The following LRRIQ1 variants were observed in gnomAD, a reference collection of about 807,000 sequenced individuals.
LRRIQ1 encodes the protein leucine rich repeats and IQ motif containing 1.
Under a neutral mutation model 211.9 loss-of-function variants are expected in LRRIQ1, and 210 were observed. The observed-to-expected ratio is 0.99, with a 90% confidence interval of 0.89 to 1.11. LRRIQ1 has a LOEUF of 1.11. Ranked by LOEUF, LRRIQ1 falls within the 50% of genes most tolerant of loss-of-function variation. The pLI is 0.00. For synonymous variants in LRRIQ1, 699 were observed against 650.1 expected (o/e 1.08, Z -1.14); for missense variants, 2,136 against 1,939.5 (o/e 1.10, Z -1.90).
chr12:85,206,492 A>T (rs960706866), intron 24 of LRRIQ1, among the ~76,000 whole-genome samples: 2 of 152,092 alleles, frequency 1.3e-5, no homozygotes, highest in Admixed American at 6.6e-5. Context: ...CACTGACAGC[A>T]ATGGTCCAGT....
At chr12:85,196,944 T>C (rs1376210274) in intron 24 of LRRIQ1, among the ~76,000 whole-genome samples, 4 of 152,012 alleles carry the variant, frequency 2.6e-5, no homozygotes, top group African/African-American at 9.7e-5. Context: ...AAAGGGCTAA[T>C]ATCCAGAATC....
At chr12:85,099,542 A>T (rs1433562430) in intron 13 of LRRIQ1, among the ~76,000 whole-genome samples, 1 of 151,908 alleles carries the variant, frequency 6.6e-6, no homozygotes, top group Non-Finnish European at 1.5e-5. Context: ...ACCACCAAAC[A>T]TCTGGATCTT....
intron 1 of LRRIQ1, among the ~76,000 whole-genome samples, chr12:85,254,596 T>C (rs774521341): frequency 2.6e-5 from 4 of 152,114 alleles, no homozygotes; most frequent in Non-Finnish European, 4.4e-5. Context: ...AATTTAGTTT[T>C]GTTTCATCTC....
chr12:85,125,115 G>C (rs1443937011), intron 17 of LRRIQ1, among the ~76,000 whole-genome samples: 2 of 151,944 alleles, frequency 1.3e-5, no homozygotes, highest in Non-Finnish European at 2.9e-5. Flanking sequence ...GGAGGTGGAG[G>C]TTGCAGTGAG....
chr12:85,085,016 G>A (rs745775701), intron 11 of LRRIQ1, among the ~76,000 whole-genome samples: 47 of 151,836 alleles, frequency 3.1e-4, no homozygotes, highest in African/African-American at 1.1e-3. Context: ...ATGCCAAAAA[G>A]CATCCACTTG....
intron 26 of LRRIQ1, among the ~76,000 whole-genome samples, chr12:85,239,473 G>T (rs1895361575): frequency 6.6e-6 from 1 of 151,334 alleles, no homozygotes; most frequent in Non-Finnish European, 1.5e-5. Flanking sequence ...AAAGTATAGG[G>T]AGTCCAGAAA....
In LRRIQ1 at chr12:85,197,751, C is replaced by T. The variant is rs971926774; in HGVS notation, c.4823-31766C>T. Among the ~76,000 whole-genome samples, 8 of 150,100 alleles carry T rather than the reference C, an allele frequency of 5.3e-5. No homozygotes were observed. In the East Asian group the frequency reaches 7.9e-4, roughly 15 times the overall value. On this transcript the variant is annotated intron_variant, in intron 24 of 26. Coordinates refer to ENST00000393217, the MANE Select transcript of LRRIQ1 (RefSeq NM_001079910.2). ...CTAGATGACGAGTTAGTGGGTGCAA[C>T]GCACCAGCATGGCACATGTATACAT...
At chr12:85,263,153 C>A in exon 2 of LRRIQ1, 1 of 731,126 alleles carries the variant, frequency 1.4e-6, no homozygotes, top group Non-Finnish European at 1.7e-6. Context: ...AGGTTTTAGA[C>A]TCCTATATTT....
At chr12:85,240,861 A>G (rs777056694) in intron 26 of LRRIQ1, among the ~76,000 whole-genome samples, 3 of 152,094 alleles carry the variant, frequency 2.0e-5, no homozygotes, top group Non-Finnish European at 4.4e-5. Context: ...TAGATTGGGG[A>G]AAGGATGTGA....
rs1336979520 is a variant in LRRIQ1 at position 85,073,836 on chromosome 12, T to A, written c.2887+738T>A. Reference sequence around the variant, plus strand: ...TTCATCTTCAGGAAATGCTTAGAGATTCTGGTTGAGCTAAGTGAAAAGCAT... The same window carrying A: ...TTCATCTTCAGGAAATGCTTAGAGAATCTGGTTGAGCTAAGTGAAAAGCAT... On this transcript the variant is annotated intron_variant, in intron 11 of 26. Coordinates refer to ENST00000393217, the MANE Select transcript of LRRIQ1 (RefSeq NM_001079910.2). Among the ~76,000 whole-genome samples, 5 of 152,150 alleles carry A rather than the reference T, an allele frequency of 3.3e-5. No homozygotes were observed. In the East Asian group the frequency reaches 9.7e-4, roughly 29 times the overall value.
At chr12:85,102,099 ATTTATTAAAAT>A (rs1344635093) in intron 13 of LRRIQ1, among the ~76,000 whole-genome samples, 1 of 151,634 alleles carries the variant, frequency 6.6e-6, no homozygotes, top group African/African-American at 2.4e-5. Context: ...TAATAAGTAC[ATTTATTAAAAT>A]TTTATTTTTA....
chr12:85,119,128 A>G (rs764168959), intron 15 of LRRIQ1, among the ~76,000 whole-genome samples: 6 of 152,168 alleles, frequency 3.9e-5, no homozygotes, highest in Non-Finnish European at 7.4e-5. Flanking sequence ...ATGATAAACT[A>G]TAGTTTCACT....
At chr12:85,068,649 G>A (rs893056877) in intron 10 of LRRIQ1, among the ~76,000 whole-genome samples, 1 of 151,590 alleles carries the variant, frequency 6.6e-6, no homozygotes, top group African/African-American at 2.4e-5. Context: ...ATGAATCCTT[G>A]TATCAACTGA....
At chr12:85,209,574 G>GAGTAT (rs1186093675) in intron 24 of LRRIQ1, among the ~76,000 whole-genome samples, 2 of 152,138 alleles carry the variant, frequency 1.3e-5, no homozygotes, top group Admixed American at 6.6e-5. Flanking sequence ...AAGTTCATCT[G>GAGTAT]AGTATAGCTA....
intron 15 of LRRIQ1, among the ~76,000 whole-genome samples, chr12:85,109,188 A>G (rs1886994240): frequency 6.6e-6 from 1 of 152,176 alleles, no homozygotes; most frequent in South Asian, 2.1e-4. Context: ...ACAAGCTATT[A>G]GAGTCTGGGG....
rs780169762 is a variant in LRRIQ1 at position 85,052,163 on chromosome 12, T to C, written c.679-14T>C. On this transcript the variant is annotated splice_polypyrimidine_tract_variant and intron_variant, in intron 6 of 26. Transcript: ENST00000393217. ...ATTTGAGTATAGTCATATTTATTAT[T>C]ATCATATGTTCAGCAAGAACAGGAC... 1 of 1,353,382 alleles carries C rather than the reference T, an allele frequency of 7.4e-7. No homozygotes were observed. The highest frequency in any genetic ancestry group is 2.2e-5 in the Admixed American group (1 of 44,784). The allele number at this position is 1,353,382 out of a possible 1,614,324, so 83.8% of individuals were successfully genotyped here.
chr12:85,097,603 G>T (rs1886001482), intron 11 of LRRIQ1, among the ~76,000 whole-genome samples: 1 of 151,912 alleles, frequency 6.6e-6, no homozygotes, highest in African/African-American at 2.4e-5. Flanking sequence ...CTTTTTTATG[G>T]CTACATAATT....
At chr12:85,222,686 A>T (rs568741472) in intron 24 of LRRIQ1, among the ~76,000 whole-genome samples, 1 of 152,242 alleles carries the variant, frequency 6.6e-6, no homozygotes, top group East Asian at 1.9e-4. Context: ...AGGGGAATGT[A>T]AAAAGTCAGT....
intron 1 of LRRIQ1, among the ~76,000 whole-genome samples, chr12:85,036,864 G>A (rs1878173018): frequency 1.3e-5 from 2 of 151,806 alleles, no homozygotes; most frequent in African/African-American, 2.4e-5. Context: ...GACAGCTTTA[G>A]TGAACTCCAA....
Sources: allele counts gnomAD v4.1 joint callset (sites outside exome capture counted in the v4.1 genomes callset), GRCh38; gene constraint gnomAD v4.1.1; transcripts MANE v1.5; gene names NCBI Gene and HGNC (gene_info 2026-07-23, HGNC 2026-07-21).